Variants in EHD4 observed in about 807,000 individuals in gnomAD.
EHD4 encodes the protein EH domain-containing protein 4.
EHD4 carries 37 observed loss-of-function variants against 51.0 expected under a neutral mutation model. The ratio of observed to expected loss-of-function variants is 0.73; its 90% CI spans 0.56 to 0.95. EHD4 has a LOEUF of 0.95. EHD4 is among the 40% of genes least tolerant of loss of function. The pLI, the probability that EHD4 is intolerant of heterozygous loss-of-function variation, is 0.00. For synonymous variants in EHD4, 297 were observed against 317.3 expected, an observed-to-expected ratio of 0.94 and a Z score of 0.68; for missense variants, 632 against 733.1, an observed-to-expected ratio of 0.86 and a Z score of 1.59.
intron 1 of EHD4, among the ~76,000 whole-genome samples, chr15:41,971,845 ATAGT>A (rs1278192946): frequency 3.9e-5 from 6 of 152,252 alleles, no homozygotes; most frequent in South Asian, 2.1e-4. Flanking sequence ...GAACAAATGA[ATAGT>A]TAAACAAACT....
intron 1 of EHD4, among the ~76,000 whole-genome samples, chr15:41,963,554 G>C (rs1392861924): frequency 6.7e-6 from 1 of 150,040 alleles, no homozygotes; most frequent in African/African-American, 2.5e-5. Context: ...AGCCGAGAAC[G>C]TGCTACTGCA....
intron 5 of EHD4, among the ~76,000 whole-genome samples, chr15:41,909,332 G>A (rs2067533516): frequency 6.6e-6 from 1 of 152,236 alleles, no homozygotes; most frequent in Non-Finnish European, 1.5e-5. Flanking sequence ...GGTCAGGGCA[G>A]GGCTGGAGGA....
At position 41,899,592 on chromosome 15, in the gene EHD4, C is replaced by T. The variant is rs373462761; in HGVS notation, c.*1053G>A. On this transcript the variant is annotated 3_prime_UTR_variant, in exon 6 of 6. Transcript: ENST00000220325. ...CTAACTCTGGGTGGACTGATCTCTT[C>T]TCAACAGCCCAGGGCAGGGCTGGTC... is the stretch of plus-strand genomic sequence containing the variant. The T allele has an allele frequency of 1.1e-3, 161 of 152,134 alleles. No individual in the cohort carries two copies. The highest frequency in any genetic ancestry group is 3.7e-3 in the African/African-American group (154 of 41,500). 9.4% of individuals were successfully genotyped at this position (152,134 alleles called of 1,614,324 possible). A position where few individuals can be genotyped will look rare whatever the true frequency, so the allele number is the denominator to read the frequency against.
At chr15:41,938,828 A>G (rs1446456973) in intron 3 of EHD4, among the ~76,000 whole-genome samples, 1 of 152,238 alleles carries the variant, frequency 6.6e-6, no homozygotes, top group Non-Finnish European at 1.5e-5. Context: ...GATTGATAAG[A>G]ATACCAGTTG....
At chr15:41,926,172 G>A (rs117450922) in intron 3 of EHD4, 8,917 of 152,188 alleles carry the variant, frequency 0.059, 300 homozygotes, top group Non-Finnish European at 0.079. Context: ...GCCTGGGTGA[G>A]TGAGGCCCTG....
rs1289868779 is a variant in EHD4, at chr15:41,899,368, C to G, written c.*1277G>C. The G allele has an allele frequency of 6.6e-6, 1 of 152,178 alleles. No homozygotes were observed. The highest frequency in any genetic ancestry group is 1.5e-5 in the Non-Finnish European group (1 of 68,034). 9.4% of individuals were successfully genotyped at this position (152,178 alleles called of 1,614,324 possible). Reference sequence around the variant, plus strand: ...TCAGGGGATTTGGGGAGCGCACACTCTGGAGCAGAAGTACAGGTATGTGCC... The same window carrying G: ...TCAGGGGATTTGGGGAGCGCACACTGTGGAGCAGAAGTACAGGTATGTGCC... On this transcript the variant is annotated 3_prime_UTR_variant, in exon 6 of 6. Coordinates refer to ENST00000220325, the MANE Select transcript of EHD4 (RefSeq NM_139265.4).
At chr15:41,921,709 G>A (rs2067626770) in intron 3 of EHD4, 1 of 152,266 alleles carries the variant, frequency 6.6e-6, no homozygotes, top group African/African-American at 2.4e-5. Flanking sequence ...TTCAGAAACA[G>A]ATCAAAGAAA....
At chr15:41,901,980 A>G (rs899776962) in intron 5 of EHD4, among the ~76,000 whole-genome samples, 1 of 152,230 alleles carries the variant, frequency 6.6e-6, no homozygotes, top group Non-Finnish European at 1.5e-5. Context: ...TTGTAAGAGC[A>G]GGGAGTAGGG....
At chr15:41,946,565 C>CA in intron 2 of EHD4, among the ~76,000 whole-genome samples, 1 of 152,084 alleles carries the variant, frequency 6.6e-6, no homozygotes, top group Non-Finnish European at 1.5e-5. Flanking sequence ...TTCGTCTCTA[C>CA]AAAAAATAAA....
intron 2 of EHD4, among the ~76,000 whole-genome samples, chr15:41,943,866 C>T (rs890653113): frequency 9.2e-5 from 14 of 152,238 alleles, no homozygotes; most frequent in African/African-American, 3.4e-4. Flanking sequence ...GAGGGGCAGG[C>T]ACCTGTGACA....
intron 3 of EHD4, among the ~76,000 whole-genome samples, chr15:41,939,617 T>C (rs955435306): frequency 6.6e-5 from 10 of 151,264 alleles, no homozygotes; most frequent in African/African-American, 1.7e-4. Flanking sequence ...AGAATCAATA[T>C]GGTGAAACCC....
chr15:41,927,974 G>C (rs2067673591), intron 3 of EHD4, among the ~76,000 whole-genome samples: 1 of 152,166 alleles, frequency 6.6e-6, no homozygotes, highest in Admixed American at 6.5e-5. Context: ...TTCTAAAAAA[G>C]GGTTGTTACT....
chr15:41,934,313 T>TG (rs1374518314), intron 3 of EHD4, among the ~76,000 whole-genome samples: 1 of 149,920 alleles, frequency 6.7e-6, no homozygotes, highest in Admixed American at 6.6e-5. Flanking sequence ...CAGGAAGTTT[T>TG]TTTTTTTTTT....
rs2067953336 is a variant in EHD4 at position 41,965,007 on chromosome 15, A to G, written c.236+7252T>C. Among the ~76,000 whole-genome samples the G allele has an allele frequency of 2.6e-5, 4 of 152,098 alleles. No homozygotes were observed. The South Asian group carries it at 8.3e-4, about 31-fold the overall frequency. ...GGCTGATCTTGAACTCCTGGAGTCA[A>G]GTGATTTGTCCACCTTGGCCTCCCA... is the stretch of plus-strand genomic sequence containing the variant. On this transcript the variant is annotated intron_variant, in intron 1 of 5. Coordinates refer to ENST00000220325, the MANE Select transcript of EHD4 (RefSeq NM_139265.4).
rs752767119 is a variant in EHD4 at position 41,923,772 on chromosome 15, T to C, written c.512-4150A>G. Among the ~76,000 whole-genome samples, 50 of 152,234 alleles carry C rather than the reference T, an allele frequency of 3.3e-4. 1 individual carries two copies. The highest frequency in any genetic ancestry group is 6.5e-4 in the Admixed American group (10 of 15,282). On this transcript the variant is annotated intron_variant, in intron 3 of 5. Coordinates refer to ENST00000220325, the MANE Select transcript of EHD4 (RefSeq NM_139265.4). ...TATTAGTTCCTTTTATTCCAAAAAGTTACCAATAGATGTTTAGGTGGTGCA... is the reference window on the plus strand; with the variant it reads ...TATTAGTTCCTTTTATTCCAAAAAGCTACCAATAGATGTTTAGGTGGTGCA...
rs1033202668 is a variant in EHD4 at position 41,970,047 on chromosome 15, A to G, written c.236+2212T>C. The stretch of plus-strand genomic sequence containing the variant: ...CCAGGATGCTCAGCACCCTGGGCCA[A>G]CCCTTCCGCTCAAGATGAATCCATG... On this transcript the variant is annotated intron_variant, in intron 1 of 5. Coordinates refer to ENST00000220325, the MANE Select transcript of EHD4 (RefSeq NM_139265.4). Among the ~76,000 whole-genome samples the G allele has an allele frequency of 4.6e-5, 7 of 152,120 alleles. No homozygotes were observed. The East Asian group carries it at 1.3e-3, about 29-fold the overall frequency.
At chr15:41,965,487 C>T (rs910644668) in intron 1 of EHD4, among the ~76,000 whole-genome samples, 33 of 152,184 alleles carry the variant, frequency 2.2e-4, no homozygotes, top group African/African-American at 7.7e-4. Flanking sequence ...TCCATTCCTC[C>T]ATTAACTGAA....
At position 41,919,474 on chromosome 15, in the gene EHD4, C is replaced by T. The variant is rs1181561448; in HGVS notation, c.660G>A (p.Val220=). ...FRGQDDKIRV[V]LNKADQVDTQ... ...TGTCCACTTGGTCGGCCTTGTTCAG[C>T]ACGACACGGATCTTGTCGTCCTGGC... Residue 220 remains valine (V), a synonymous_variant, in exon 4 of 6, where the codon GTG becomes GTA. Coordinates refer to ENST00000220325, the MANE Select transcript of EHD4 (RefSeq NM_139265.4). The T allele has an allele frequency of 6.4e-7, 1 of 1,567,130 alleles. No individual in the cohort carries two copies. The highest frequency in any genetic ancestry group is 1.2e-5 in the South Asian group (1 of 82,418).
At chr15:41,925,056 T>A (rs2067652035) in intron 3 of EHD4, among the ~76,000 whole-genome samples, 1 of 73,506 alleles carries the variant, frequency 1.4e-5, no homozygotes, top group African/African-American at 4.3e-5. Flanking sequence ...AGGGACTGTA[T>A]CTCAAAAAAA....
Sources: gnomAD v4.1 joint callset for allele counts (sites outside exome capture counted in the v4.1 genomes callset) on GRCh38, gnomAD v4.1.1 for gene constraint, MANE v1.5 for transcripts, NCBI Gene and HGNC (gene_info 2026-07-23, HGNC 2026-07-21) for gene names.